The following MLLT10 variants were observed in gnomAD, a reference collection of about 807,000 sequenced individuals.
MLLT10 encodes the protein protein AF-10.
MLLT10 carries 30 observed loss-of-function variants against 129.1 expected under a neutral mutation model. The observed-to-expected ratio is 0.23, with a 90% CI of 0.17 to 0.32. The LOEUF (loss-of-function observed/expected upper bound fraction) is 0.32. Ranked by LOEUF, MLLT10 falls within the 10% of genes least tolerant of loss-of-function variation. The probability of loss-of-function intolerance (pLI) is 1.00; values close to 1 mark genes in which losing one functional copy is unlikely to be tolerated. For synonymous variants in MLLT10, 490 were observed against 446.4 expected (o/e 1.10, Z -1.23); for missense variants, 1,119 against 1,268.3 (o/e 0.88, Z 1.79).
intron 3 of MLLT10, chr10:21,557,203 A>T: frequency 1.6e-6 from 2 of 1,245,340 alleles, no homozygotes; most frequent in African/African-American, 1.5e-5. Context: ...CTGTGTTGTT[A>T]TTTTTCCCCT....
intron 3 of MLLT10, among the ~76,000 whole-genome samples, chr10:21,551,520 G>A (rs1036880868): frequency 6.6e-5 from 10 of 151,468 alleles, no homozygotes; most frequent in Non-Finnish European, 1.5e-4. Context: ...CACATTTGGT[G>A]CTTACCATCA....
At chr10:21,673,318 C>CTTT (rs397719980) in intron 10 of MLLT10, 32 bp from the exon 11 acceptor site, 69 of 307,562 alleles carry the variant, frequency 2.2e-4, no homozygotes, top group South Asian at 3.5e-4. Flanking sequence ...CACCCCCCAA[C>CTTT]TTTTTTTTTT....
intron 16 of MLLT10, 80 bp from the exon 17 acceptor site, chr10:21,730,820 A>G (rs1290219920): frequency 2.7e-6 from 4 of 1,498,400 alleles, no homozygotes; most frequent in Middle Eastern, 1.7e-4. Flanking sequence ...TACAGGAGAA[A>G]AGGGGTCAGC....
At chr10:21,555,001 G>T (rs7085930) in intron 3 of MLLT10, among the ~76,000 whole-genome samples, 1 of 150,452 alleles carries the variant, frequency 6.6e-6, no homozygotes, top group South Asian at 2.1e-4. Flanking sequence ...TTCTATTTTA[G>T]GTAGAGACGG....
intron 8 of MLLT10, among the ~76,000 whole-genome samples, chr10:21,641,516 A>G (rs1448734600): frequency 6.6e-6 from 1 of 152,144 alleles, no homozygotes; most frequent in African/African-American, 2.4e-5. Context: ...ACATAGCTGA[A>G]TGTGTGGTGC....
chr10:21,586,794 G>T (rs1245164133), intron 4 of MLLT10, among the ~76,000 whole-genome samples: 2 of 152,052 alleles, frequency 1.3e-5, no homozygotes, highest in Admixed American at 1.3e-4. Context: ...GGCTGAGGCA[G>T]GAGAATCGCT....
chr10:21,682,349 G>A, intron 13 of MLLT10, 92 bp downstream of exon 13: 1 of 1,249,402 alleles, frequency 8.0e-7, no homozygotes, highest in Non-Finnish European at 1.1e-6. Context: ...ATGTTCTATT[G>A]ATTAGATGAA....
chr10:21,625,058 AATC>A, intron 8 of MLLT10: 1 of 863,062 alleles, frequency 1.2e-6, no homozygotes, highest in African/African-American at 1.7e-5. Context: ...TAGATGTGGT[AATC>A]ATAACTGTAG....
chr10:21,654,318 C>T (rs2049342988), intron 9 of MLLT10, among the ~76,000 whole-genome samples: 2 of 151,870 alleles, frequency 1.3e-5, no homozygotes, highest in Non-Finnish European at 2.9e-5. Context: ...ATGTTAGGTA[C>T]ACTAATAGGA....
Position 21,534,586 on chromosome 10 carries a change from G to T in MLLT10, c.1-59G>T, listed in dbSNP as rs527953468. 2.5e-5 allele frequency: 38 copies of T among 1,546,724 alleles called. No individual in the cohort carries two copies. In the Admixed American group the frequency reaches 6.3e-4, roughly 25 times the overall value. On this transcript the variant is annotated intron_variant, in intron 1 of 22. Coordinates refer to ENST00000307729, the MANE Select transcript of MLLT10 (RefSeq NM_001195626.3). ...GGGGCGGGCTCGGGGGGCTGTGTGG[G>T]GGGGAAGCACTAATCGGCTTGCATG...
chr10:21,675,778 T>C (rs1179906051), intron 11 of MLLT10, among the ~76,000 whole-genome samples: 1 of 152,200 alleles, frequency 6.6e-6, no homozygotes. Flanking sequence ...TTCTGTAGTT[T>C]TGAAGCATAG....
chr10:21,563,933 C>A (rs1450246987), intron 3 of MLLT10, among the ~76,000 whole-genome samples: 2 of 151,950 alleles, frequency 1.3e-5, no homozygotes, highest in East Asian at 3.9e-4. Context: ...CTGCCTCAGC[C>A]TCCCGAGTAG....
intron 5 of MLLT10, among the ~76,000 whole-genome samples, chr10:21,608,309 A>G (rs1275393972): frequency 6.6e-6 from 1 of 151,454 alleles, no homozygotes; most frequent in African/African-American, 2.4e-5. Flanking sequence ...AGCTGGGACT[A>G]CAGGCTTGCA....
intron 3 of MLLT10, among the ~76,000 whole-genome samples, chr10:21,549,385 C>T (rs1323254520): frequency 6.6e-6 from 1 of 152,162 alleles, no homozygotes; most frequent in Non-Finnish European, 1.5e-5. Flanking sequence ...GCTAGGATTA[C>T]AGGCGTGAGC....
chr10:21,580,625 C>T (rs1443861674), intron 3 of MLLT10, among the ~76,000 whole-genome samples: 2 of 152,054 alleles, frequency 1.3e-5, no homozygotes, highest in East Asian at 1.9e-4. Flanking sequence ...CTCCTGACCT[C>T]GTGATCTGCC....
chr10:21,569,717 G>A (rs1270467968), intron 3 of MLLT10, among the ~76,000 whole-genome samples: 2 of 151,216 alleles, frequency 1.3e-5, no homozygotes, highest in Admixed American at 6.6e-5. Context: ...CACCATGCCC[G>A]GCCCACCCAG....
intron 8 of MLLT10, among the ~76,000 whole-genome samples, chr10:21,651,191 C>T (rs1184341903): frequency 1.3e-5 from 2 of 152,128 alleles, no homozygotes; most frequent in African/African-American, 4.8e-5. Context: ...CCTGCCTCAG[C>T]ATCCTGAGTA....
At chr10:21,716,938 A>G (rs1041359257) in intron 14 of MLLT10, among the ~76,000 whole-genome samples, 1 of 152,012 alleles carries the variant, frequency 6.6e-6, no homozygotes, top group Non-Finnish European at 1.5e-5. Context: ...ATAGACCTCT[A>G]CATTGCCTTA....
intron 8 of MLLT10, among the ~76,000 whole-genome samples, chr10:21,631,605 C>G (rs531336045): frequency 6.6e-6 from 1 of 151,978 alleles, no homozygotes; most frequent in Admixed American, 6.6e-5. Context: ...AGGAAACTTA[C>G]AATCATGTCA....
Sources: gnomAD v4.1 joint callset for allele counts (sites outside exome capture counted in the v4.1 genomes callset) on GRCh38, gnomAD v4.1.1 for gene constraint, MANE v1.5 for transcripts, NCBI Gene and HGNC (gene_info 2026-07-23, HGNC 2026-07-21) for gene names.